The following GALNT13 variants were observed in gnomAD, a reference collection of about 807,000 sequenced individuals.
GALNT13 encodes the protein polypeptide N-acetylgalactosaminyltransferase 13.
In GALNT13, 28 loss-of-function variants were observed where a neutral mutation model predicts 64.2. The observed-to-expected ratio is 0.44, with a 90% CI of 0.32 to 0.60. The LOEUF is 0.60. Ranked by LOEUF, GALNT13 falls within the 20% of genes least tolerant of loss-of-function variation. The probability of loss-of-function intolerance (pLI) is 0.05; values close to 1 mark genes in which losing one functional copy is unlikely to be tolerated. For missense variants in GALNT13, 577 were observed against 669.8 expected, an observed-to-expected ratio of 0.86 and a Z score of 1.53; for synonymous variants, 214 against 224.6, an observed-to-expected ratio of 0.95 and a Z score of 0.42.
intron 9 of GALNT13, among the ~76,000 whole-genome samples, chr2:154,369,059 T>G (rs563623373): frequency 3.3e-5 from 5 of 152,194 alleles, no homozygotes; most frequent in South Asian, 2.1e-4. Context: ...ACAGATTTCT[T>G]GTGATGTAGG....
chr2:153,983,516 A>C (rs1352958656), intron 3 of GALNT13, among the ~76,000 whole-genome samples: 2 of 151,756 alleles, frequency 1.3e-5, no homozygotes, highest in African/African-American at 2.4e-5. Flanking sequence ...GGTTGGTTGG[A>C]GTTATCTGGT....
chr2:153,360,951 C>G, the GALNT13 span, among the ~76,000 whole-genome samples: 1 of 152,116 alleles, frequency 6.6e-6, no homozygotes, highest in Non-Finnish European at 1.5e-5. Flanking sequence ...GTCAGACACC[C>G]TATACAGGAG....
At chr2:153,166,596 A>G in the GALNT13 span, among the ~76,000 whole-genome samples, 2 of 146,614 alleles carry the variant, frequency 1.4e-5, no homozygotes, top group Admixed American at 6.8e-5. Context: ...CTTTTAAGCT[A>G]ATTTTCTGGC....
intron 4 of GALNT13, among the ~76,000 whole-genome samples, chr2:154,205,855 C>G (rs905567459): frequency 6.6e-6 from 1 of 151,994 alleles, no homozygotes; most frequent in East Asian, 1.9e-4. Flanking sequence ...TGGAATAGGT[C>G]CAAACTTTAG....
the GALNT13 span, among the ~76,000 whole-genome samples, chr2:153,262,734 A>G: frequency 1.3e-5 from 2 of 152,208 alleles, no homozygotes; most frequent in African/African-American, 4.8e-5. Flanking sequence ...AGAAAAGGCC[A>G]GAGATAAAGT....
At chr2:153,983,913 T>C (rs1480585401) in intron 3 of GALNT13, among the ~76,000 whole-genome samples, 2 of 151,974 alleles carry the variant, frequency 1.3e-5, no homozygotes, top group African/African-American at 2.4e-5. Context: ...AAAGATAATG[T>C]GAGAACAAGA....
intron 3 of GALNT13, among the ~76,000 whole-genome samples, chr2:154,094,501 A>T (rs1701979852): frequency 1.3e-5 from 2 of 152,032 alleles, no homozygotes; most frequent in Non-Finnish European, 2.9e-5. Context: ...GACAACTCAG[A>T]TGAATTCTAA....
chr2:153,602,167 T>C, the GALNT13 span, among the ~76,000 whole-genome samples: 3 of 151,908 alleles, frequency 2.0e-5, no homozygotes. Flanking sequence ...AGAGTTCACA[T>C]GGATCATGCT....
the GALNT13 span, among the ~76,000 whole-genome samples, chr2:153,146,042 A>T: frequency 6.6e-6 from 1 of 151,916 alleles, no homozygotes; most frequent in Admixed American, 6.6e-5. Flanking sequence ...CTGAGCTTAC[A>T]GAGTGAATTA....
chr2:153,099,036 G>A, the GALNT13 span, among the ~76,000 whole-genome samples: 5 of 152,198 alleles, frequency 3.3e-5, no homozygotes, highest in East Asian at 5.8e-4. Context: ...CAAGGGAATC[G>A]CTTGAGGCAG....
In GALNT13 at chr2:154,043,455, T is replaced by TATATATACATACAC. The variant is rs1341373277; in HGVS notation, c.143-96881_143-96880insTATATACATACACA. ...ATATATATATATATATATATATATA[T>TATATATACATACAC]ACACACATGTATACATAAAAACATG... On this transcript the variant is annotated intron_variant, in intron 3 of 12. Coordinates refer to ENST00000392825, the MANE Select transcript of GALNT13 (RefSeq NM_052917.4). Among the ~76,000 whole-genome samples, 726 of 104,830 alleles carry TATATATACATACAC rather than the reference T, an allele frequency of 6.9e-3. 20 individuals are homozygous for TATATATACATACAC. Among genetic ancestry groups the TATATATACATACAC allele is most frequent in the East Asian group, 0.012 (19 of 1,586 alleles). The allele number at this position is 104,830 out of a possible 152,430, so 68.8% of individuals were successfully genotyped here. A position where few individuals can be genotyped will look rare whatever the true frequency, so the allele number is the denominator to read the frequency against.
At chr2:153,258,474 A>G in the GALNT13 span, among the ~76,000 whole-genome samples, 7 of 152,182 alleles carry the variant, frequency 4.6e-5, no homozygotes, top group East Asian at 1.4e-3. Context: ...TTTTATCTTT[A>G]TTATAGTCTT....
At chr2:154,038,731 A>G (rs1698807475) in intron 3 of GALNT13, among the ~76,000 whole-genome samples, 1 of 152,174 alleles carries the variant, frequency 6.6e-6, no homozygotes, top group South Asian at 2.1e-4. Context: ...GGACTATGAA[A>G]GCATAGGCAT....
chr2:153,299,752 A>T, the GALNT13 span, among the ~76,000 whole-genome samples: 5 of 152,180 alleles, frequency 3.3e-5, no homozygotes, highest in Admixed American at 6.5e-5. Context: ...GGCTGAATGG[A>T]GGATCTCCAA....
the GALNT13 span, among the ~76,000 whole-genome samples, chr2:153,257,398 G>C: frequency 2.0e-5 from 3 of 152,026 alleles, no homozygotes; most frequent in Admixed American, 1.3e-4. Flanking sequence ...TGGAAATGCA[G>C]AAATCACCCG....
chr2:153,157,041 G>A, the GALNT13 span, among the ~76,000 whole-genome samples: 2 of 152,168 alleles, frequency 1.3e-5, no homozygotes, highest in Admixed American at 6.6e-5. Flanking sequence ...GACTTTTAAA[G>A]CTAGATGAGA....
chr2:154,352,117 A>G (rs928324134), intron 9 of GALNT13, among the ~76,000 whole-genome samples: 1 of 152,234 alleles, frequency 6.6e-6, no homozygotes, highest in Non-Finnish European at 1.5e-5. Flanking sequence ...TGCAATGTTC[A>G]TAATATGCTA....
At chr2:153,295,629 C>G in the GALNT13 span, among the ~76,000 whole-genome samples, 1 of 151,842 alleles carries the variant, frequency 6.6e-6, no homozygotes, top group Admixed American at 6.6e-5. Context: ...AATTCTTTTG[C>G]GCACTAAAGT....
At chr2:153,564,324 G>T in the GALNT13 span, among the ~76,000 whole-genome samples, 2 of 151,856 alleles carry the variant, frequency 1.3e-5, no homozygotes, top group Admixed American at 6.6e-5. Flanking sequence ...TTCACAATTT[G>T]CTGAAAATAT....
Sources: allele counts gnomAD v4.1 joint callset (sites outside exome capture counted in the v4.1 genomes callset), GRCh38; gene constraint gnomAD v4.1.1; transcripts MANE v1.5; gene names NCBI Gene and HGNC (gene_info 2026-07-23, HGNC 2026-07-21).